The following AVEN variants were observed in gnomAD, a reference collection of about 807,000 sequenced individuals.
AVEN encodes the protein apoptosis and caspase activation inhibitor, also known as cell death regulator Aven.
A neutral mutation model predicts 38.1 loss-of-function variants in AVEN; 41 were observed. The ratio of observed to expected loss-of-function variants is 1.08; its 90% CI spans 0.84 to 1.40. The LOEUF (loss-of-function observed/expected upper bound fraction) is 1.40. AVEN is among the 40% of genes most tolerant of loss of function. The pLI, the probability that AVEN is intolerant of heterozygous loss-of-function variation, is 0.00. For missense variants in AVEN, 605 were observed against 438.8 expected, an observed-to-expected ratio of 1.38 and a Z score of -3.38; for synonymous variants, 206 against 171.8, an observed-to-expected ratio of 1.20 and a Z score of -1.56.
At chr15:33,970,419 C>T (rs1440583526) in intron 2 of AVEN, among the ~76,000 whole-genome samples, 1 of 151,836 alleles carries the variant, frequency 6.6e-6, no homozygotes, top group African/African-American at 2.4e-5. Flanking sequence ...TCTAATACAA[C>T]AATTTGTTTC....
At chr15:34,057,854 G>C (rs866019554) in intron 5 of AVEN, among the ~76,000 whole-genome samples, 2 of 152,200 alleles carry the variant, frequency 1.3e-5, no homozygotes. Flanking sequence ...ATCTGAAGCT[G>C]ACCAATGCCA....
chr15:33,864,614 G>C (rs766392620), downstream of AVEN: 19 of 175,598 alleles, frequency 1.1e-4, no homozygotes, highest in Non-Finnish European at 2.1e-4. Flanking sequence ...ATGAGTGAAA[G>C]GATGTGTCAA....
At chr15:33,898,511 C>A (rs976871575) in intron 2 of AVEN, among the ~76,000 whole-genome samples, 1 of 152,196 alleles carries the variant, frequency 6.6e-6, no homozygotes, top group Non-Finnish European at 1.5e-5. Flanking sequence ...CAACCCCTGA[C>A]ATTCCAGTTT....
chr15:33,904,940 G>A (rs1050962318), intron 2 of AVEN, among the ~76,000 whole-genome samples: 2 of 151,226 alleles, frequency 1.3e-5, no homozygotes, highest in African/African-American at 4.9e-5. Context: ...GATCAGCCTG[G>A]CCAACACGGT....
intron 1 of AVEN, among the ~76,000 whole-genome samples, chr15:34,016,516 T>G (rs1897919842): frequency 6.6e-6 from 1 of 152,146 alleles, no homozygotes; most frequent in South Asian, 2.1e-4. Flanking sequence ...CATACCACAC[T>G]TCAGTCAAAA....
intron 4 of AVEN, among the ~76,000 whole-genome samples, chr15:33,868,246 A>G (rs1482990234): frequency 2.0e-5 from 3 of 152,198 alleles, no homozygotes; most frequent in South Asian, 2.1e-4. Context: ...AGAAGTGGCC[A>G]GGCGCAGTGG....
chr15:33,977,968 A>G (rs1235380274), intron 2 of AVEN, among the ~76,000 whole-genome samples: 4 of 143,582 alleles, frequency 2.8e-5, no homozygotes, highest in Admixed American at 2.8e-4. Flanking sequence ...AGAAAGAGAA[A>G]GAGAAAAGGA....
chr15:33,908,281 T>C (rs928941739), intron 2 of AVEN, among the ~76,000 whole-genome samples: 1 of 35,962 alleles, frequency 2.8e-5, no homozygotes, highest in African/African-American at 5.3e-5. Flanking sequence ...GAATTGCTAA[T>C]TCCAAAGAAC....
chr15:33,863,146 C>G (rs913092812), downstream of AVEN, among the ~76,000 whole-genome samples: 2 of 152,160 alleles, frequency 1.3e-5, no homozygotes, highest in South Asian at 2.1e-4. Flanking sequence ...TCTCTATCCC[C>G]TCTAGGAGCA....
chr15:33,937,754 G>A (rs1168446323), intron 2 of AVEN, among the ~76,000 whole-genome samples: 3 of 151,798 alleles, frequency 2.0e-5, no homozygotes, highest in Admixed American at 2.0e-4. Context: ...GTGAGCACAG[G>A]GAGAATGTAA....
chr15:33,926,131 T>C lies in AVEN; in HGVS notation c.446-50136A>G, dbSNP rs1893597949. Reference sequence around the variant, plus strand: ...CATATATGGACTAAAAAATCAAAAATGTGAAAAGTATTTCCCAGAGTCTGG... The same window carrying C: ...CATATATGGACTAAAAAATCAAAAACGTGAAAAGTATTTCCCAGAGTCTGG... On this transcript the variant is annotated intron_variant, in intron 2 of 5. Transcript: ENST00000306730. 2.0e-5 allele frequency among the ~76,000 whole-genome samples: 3 copies of C among 151,438 alleles called. No individual in the cohort carries two copies. The South Asian group carries it at 6.2e-4, about 31-fold the overall frequency.
chr15:33,930,968 A>C (rs896825512), intron 2 of AVEN, among the ~76,000 whole-genome samples: 1 of 151,860 alleles, frequency 6.6e-6, no homozygotes, highest in Non-Finnish European at 1.5e-5. Context: ...AAAAAAAAAA[A>C]AAAAAACTTA....
intron 1 of AVEN, among the ~76,000 whole-genome samples, chr15:34,015,439 AC>A (rs1897851670): frequency 3.3e-5 from 5 of 152,116 alleles, no homozygotes; most frequent in African/African-American, 1.2e-4. Flanking sequence ...CCGAGATCGC[AC>A]CACTGCACTC....
chr15:33,911,557 G>A (rs986565512), intron 2 of AVEN, among the ~76,000 whole-genome samples: 3 of 152,076 alleles, frequency 2.0e-5, no homozygotes, highest in Non-Finnish European at 2.9e-5. Flanking sequence ...ATAACTCTTC[G>A]TTAAAAGCAC....
downstream of AVEN, chr15:33,857,930 C>G (rs777498839): frequency 1.4e-6 from 2 of 1,379,840 alleles, no homozygotes; most frequent in East Asian, 2.3e-5. Flanking sequence ...AGCCCACCCA[C>G]TGCGGGGCCA....
chr15:33,892,059 C>T (rs1475048498), intron 2 of AVEN, among the ~76,000 whole-genome samples: 1 of 152,116 alleles, frequency 6.6e-6, no homozygotes, highest in Non-Finnish European at 1.5e-5. Context: ...TATCCTTTGC[C>T]CACTTTTTGA....
chr15:33,999,375 C>T (rs1897054525), intron 2 of AVEN, among the ~76,000 whole-genome samples: 1 of 152,204 alleles, frequency 6.6e-6, no homozygotes, highest in Admixed American at 6.5e-5. Flanking sequence ...TTAGACTCTA[C>T]ACATACCTTT....
At chr15:34,045,634 T>G (rs561811638) in intron 5 of AVEN, among the ~76,000 whole-genome samples, 1 of 152,238 alleles carries the variant, frequency 6.6e-6, no homozygotes, top group African/African-American at 2.4e-5. Flanking sequence ...CCATTAAAGT[T>G]TTCCACTGTA....
chr15:33,868,916 G>A (rs981915554), intron 4 of AVEN, among the ~76,000 whole-genome samples: 2 of 152,092 alleles, frequency 1.3e-5, no homozygotes, highest in South Asian at 2.1e-4. Context: ...AAACTCCCCC[G>A]GTGATTGTAA....
Sources: allele counts gnomAD v4.1 joint callset (sites outside exome capture counted in the v4.1 genomes callset), GRCh38; gene constraint gnomAD v4.1.1; transcripts MANE v1.5; gene names NCBI Gene and HGNC (gene_info 2026-07-23, HGNC 2026-07-21).